Variants in FMNL2 observed in about 807,000 individuals in gnomAD.
FMNL2 encodes formin-like protein 2.
FMNL2 carries 51 observed loss-of-function variants against 130.2 expected under a neutral mutation model. That is an observed-to-expected ratio of 0.39 (90% CI 0.31 to 0.49). The LOEUF is 0.49. Ranked by LOEUF, FMNL2 falls within the 20% of genes least tolerant of loss-of-function variation. The pLI, the probability that FMNL2 is intolerant of heterozygous loss-of-function variation, is 0.85. For missense variants in FMNL2, 977 were observed against 1,316.2 expected (o/e 0.74, Z 3.99); for synonymous variants, 465 against 467.1 (o/e 1.00, Z 0.06).
intron 9 of FMNL2, among the ~76,000 whole-genome samples, chr2:152,594,487 C>T (rs1006068579): frequency 2.6e-5 from 4 of 152,112 alleles, no homozygotes; most frequent in African/African-American, 9.7e-5. Context: ...TGGAAGGTGG[C>T]TGCGTCAATC....
chr2:152,479,605 C>T (rs1327036129), intron 1 of FMNL2, among the ~76,000 whole-genome samples: 2 of 151,368 alleles, frequency 1.3e-5, no homozygotes, highest in Non-Finnish European at 2.9e-5. Flanking sequence ...TTTTTACATT[C>T]TAAATTATCT....
In FMNL2 at chr2:152,558,778, T is replaced by C; in HGVS notation, c.398T>C (p.Leu133Pro). The change falls in exon 5 of 26, where the codon CTT (leucine) becomes CCT (proline). Residue 133 changes from leucine (L) to proline (P), a missense_variant. Around this residue, in one of 4 missense-constraint regions of FMNL2, gnomAD observed 689 missense variants for 995.9 expected, o/e 0.69. Transcript: ENST00000288670. ...TTTCTGAATGAAGAAAACAAAGGTCTTGATGTTCTAGTGGAATATCTCTCA... is the reference window on the plus strand; with the variant it reads ...TTTCTGAATGAAGAAAACAAAGGTCCTGATGTTCTAGTGGAATATCTCTCA... ...REFLNEENKG[L>P]DVLVEYLSFA... is the part of the protein sequence containing the mutation. The C allele has an allele frequency of 6.2e-7, 1 of 1,613,502 alleles. No individual in the cohort carries two copies. Among genetic ancestry groups the C allele is most frequent in the Non-Finnish European group, 8.5e-7 (1 of 1,179,752 alleles).
chr2:152,351,349 C>T (rs1285614130), intron 1 of FMNL2, among the ~76,000 whole-genome samples: 2 of 152,154 alleles, frequency 1.3e-5, no homozygotes, highest in Admixed American at 1.3e-4. Flanking sequence ...CTCTCCCTCC[C>T]CTTTCCCACC....
chr2:152,456,628 A>G (rs979277344), intron 1 of FMNL2, among the ~76,000 whole-genome samples: 8 of 152,144 alleles, frequency 5.3e-5, no homozygotes, highest in Non-Finnish European at 1.0e-4. Context: ...TTGTTACAAT[A>G]TGGAGAGAAG....
rs560683059 is a variant in FMNL2, at chr2:152,537,688, A to G, written c.202-5051A>G. 9.2e-5 allele frequency among the ~76,000 whole-genome samples: 14 copies of G among 152,342 alleles called. No homozygotes were observed. In the South Asian group the frequency reaches 2.9e-3, roughly 32 times the overall value. ...AATTCTTTGAACATTGTTGAAGATC[A>G]ACTGTGTGCCAAGTATTCTTTTACA... On this transcript the variant is annotated intron_variant, in intron 2 of 25. Coordinates refer to ENST00000288670, the MANE Select transcript of FMNL2 (RefSeq NM_052905.4).
intron 6 of FMNL2, among the ~76,000 whole-genome samples, chr2:152,567,638 A>T (rs555126234): frequency 6.6e-6 from 1 of 152,308 alleles, no homozygotes; most frequent in South Asian, 2.1e-4. Context: ...GAAAGAGGAA[A>T]CCTAAAACCC....
At chr2:152,588,880 CAT>C (rs1189094643) in intron 9 of FMNL2, among the ~76,000 whole-genome samples, 4 of 152,058 alleles carry the variant, frequency 2.6e-5, no homozygotes, top group Admixed American at 2.6e-4. Flanking sequence ...AGAATTTGCT[CAT>C]ATGTTTTGTT....
At chr2:152,440,323 A>G (rs542944568) in intron 1 of FMNL2, among the ~76,000 whole-genome samples, 24 of 152,280 alleles carry the variant, frequency 1.6e-4, no homozygotes, top group Admixed American at 2.6e-4. Context: ...TTGGGAAGAC[A>G]TGGGCAAGAG....
At chr2:152,548,084 G>A (rs1694743185) in intron 3 of FMNL2, among the ~76,000 whole-genome samples, 1 of 152,198 alleles carries the variant, frequency 6.6e-6, no homozygotes, top group Admixed American at 6.5e-5. Flanking sequence ...GGGATTCCTG[G>A]AAGGGTAGGT....
At chr2:152,337,348 C>T (rs765993418) in intron 1 of FMNL2, among the ~76,000 whole-genome samples, 14 of 151,746 alleles carry the variant, frequency 9.2e-5, no homozygotes, top group Admixed American at 3.9e-4. Flanking sequence ...TTTTTTTCCT[C>T]CTGGCTCTGG....
At chr2:152,487,079 T>C (rs978813564) in intron 1 of FMNL2, among the ~76,000 whole-genome samples, 1 of 152,230 alleles carries the variant, frequency 6.6e-6, no homozygotes, top group African/African-American at 2.4e-5. Flanking sequence ...TCATATACCA[T>C]GTTAGGCAGT....
intron 1 of FMNL2, among the ~76,000 whole-genome samples, chr2:152,352,813 G>A (rs1682576914): frequency 6.6e-6 from 1 of 150,428 alleles, no homozygotes; most frequent in African/African-American, 2.4e-5. Context: ...AATGCCCCTA[G>A]TAAAATGGCT....
intron 1 of FMNL2, among the ~76,000 whole-genome samples, chr2:152,366,225 G>A (rs953066942): frequency 4.1e-5 from 6 of 144,644 alleles, no homozygotes; most frequent in Middle Eastern, 3.7e-3. Context: ...AATGAGAACA[G>A]TGAATTGAAC....
At position 152,348,996 on chromosome 2, in the gene FMNL2, G is replaced by A. The variant is rs998866687; in HGVS notation, c.117+13276G>A. Among the ~76,000 whole-genome samples, 15 of 144,594 alleles carry A rather than the reference G, an allele frequency of 1.0e-4. 3 individuals are homozygous for A. The highest frequency in any genetic ancestry group is 3.4e-4 in the African/African-American group (13 of 37,854). 94.9% of individuals were successfully genotyped at this position (144,594 alleles called of 152,430 possible). ...ACTACAGGTGCCCGCCACCGCGCCC[G>A]GCTAATTTTTTGTATTTTTTAGTAG... On this transcript the variant is annotated intron_variant, in intron 1 of 25. Coordinates refer to ENST00000288670, the MANE Select transcript of FMNL2 (RefSeq NM_052905.4).
intron 1 of FMNL2, among the ~76,000 whole-genome samples, chr2:152,481,026 C>T (rs1318691526): frequency 6.6e-6 from 1 of 152,166 alleles, no homozygotes; most frequent in African/African-American, 2.4e-5. Flanking sequence ...CAAGTGGCTC[C>T]CATCTTAGTC....
intron 1 of FMNL2, among the ~76,000 whole-genome samples, chr2:152,400,151 G>A (rs1166746681): frequency 1.3e-5 from 2 of 152,174 alleles, no homozygotes; most frequent in Non-Finnish European, 2.9e-5. Flanking sequence ...ACAAAGAATG[G>A]GCCGGGCGCA....
At chr2:152,535,964 A>C (rs1415603806) in intron 2 of FMNL2, among the ~76,000 whole-genome samples, 3 of 152,244 alleles carry the variant, frequency 2.0e-5, no homozygotes, top group Non-Finnish European at 2.9e-5. Flanking sequence ...TTTTGGGGGA[A>C]ACAATGAGCA....
At chr2:152,532,571 G>C (rs542908936) in intron 2 of FMNL2, among the ~76,000 whole-genome samples, 2 of 150,658 alleles carry the variant, frequency 1.3e-5, no homozygotes, top group East Asian at 3.9e-4. Flanking sequence ...TGAAGGATCT[G>C]CTCTGTTCAA....
In FMNL2 at chr2:152,637,559, T is replaced by C. The variant is rs2105955599; in HGVS notation, c.2845-14T>C. ...CTAACTAATGAAACTCAAGAAAAAT[T>C]TGCTTCTTCACAGGATGCCTTTGAT... On this transcript the variant is annotated splice_polypyrimidine_tract_variant and intron_variant, in intron 22 of 25. Transcript: ENST00000288670. 2 of 1,609,396 alleles carry C rather than the reference T, an allele frequency of 1.2e-6. No homozygotes were observed. The highest frequency in any genetic ancestry group is 1.1e-5 in the South Asian group (1 of 91,026).
Sources: allele counts gnomAD v4.1 joint callset (sites outside exome capture counted in the v4.1 genomes callset), GRCh38; gene constraint gnomAD v4.1.1; regional missense constraint gnomAD v4.1.1; transcripts MANE v1.5; gene names NCBI Gene and HGNC (gene_info 2026-07-23, HGNC 2026-07-21).